ENTREP2: variants seen among roughly 807,000 people sequenced by gnomAD.
ENTREP2 encodes the protein endosomal transmembrane epsin interactor 2.
the ENTREP2 span, among the ~76,000 whole-genome samples, chr15:29,393,903 C>T: frequency 6.6e-6 from 1 of 152,076 alleles, no homozygotes; most frequent in South Asian, 2.1e-4. Context: ...TTCAAAAAAA[C>T]AAAATGTTAT....
At chr15:29,450,821 G>A in the ENTREP2 span, among the ~76,000 whole-genome samples, 1 of 152,088 alleles carries the variant, frequency 6.6e-6, no homozygotes, top group African/African-American at 2.4e-5. Flanking sequence ...GAACATAGAT[G>A]GCCATTATCC....
chr15:29,420,879 G>A, the ENTREP2 span, among the ~76,000 whole-genome samples: 1 of 152,188 alleles, frequency 6.6e-6, no homozygotes, highest in Non-Finnish European at 1.5e-5. Context: ...GGCAACAGAA[G>A]GCATTCTGAG....
At chr15:29,344,517 C>T in the ENTREP2 span, among the ~76,000 whole-genome samples, 1 of 152,088 alleles carries the variant, frequency 6.6e-6, no homozygotes, top group South Asian at 2.1e-4. Context: ...TTAGCAGCAC[C>T]CTGCTATGCA....
At chr15:29,124,741 G>A in the ENTREP2 span, 1 of 1,550,624 alleles carries the variant, frequency 6.4e-7, no homozygotes. Flanking sequence ...CTACACGACG[G>A]CCTGTGTGAA....
At chr15:29,290,780 C>T in the ENTREP2 span, among the ~76,000 whole-genome samples, 1 of 152,204 alleles carries the variant, frequency 6.6e-6, no homozygotes, top group South Asian at 2.1e-4. Flanking sequence ...AGGCCGTGAA[C>T]TTCTATAGAA....
chr15:29,167,576 T>C, the ENTREP2 span, among the ~76,000 whole-genome samples: 1 of 151,496 alleles, frequency 6.6e-6, no homozygotes. Context: ...ATGCTCAACA[T>C]CACTAATGAT....
chr15:29,270,716 T>C, the ENTREP2 span, among the ~76,000 whole-genome samples: 1 of 152,234 alleles, frequency 6.6e-6, no homozygotes, highest in African/African-American at 2.4e-5. Context: ...GTCTCTACTG[T>C]ATATTTTAAT....
At chr15:29,338,108 G>A in the ENTREP2 span, among the ~76,000 whole-genome samples, 1 of 152,062 alleles carries the variant, frequency 6.6e-6, no homozygotes, top group South Asian at 2.1e-4. Context: ...CTGCAGACAG[G>A]AGACTGCAGA....
chr15:29,402,399 T>A, the ENTREP2 span, among the ~76,000 whole-genome samples: 8 of 152,048 alleles, frequency 5.3e-5, no homozygotes, highest in African/African-American at 1.9e-4. Context: ...CACTGTGACC[T>A]CCACCTCCCA....
At chr15:29,606,790 T>C in the ENTREP2 span, among the ~76,000 whole-genome samples, 1 of 152,116 alleles carries the variant, frequency 6.6e-6, no homozygotes, top group East Asian at 1.9e-4. Flanking sequence ...GCAGTCATCC[T>C]GGGCCGATAT....
At chr15:29,229,107 G>C in the ENTREP2 span, among the ~76,000 whole-genome samples, 1 of 152,102 alleles carries the variant, frequency 6.6e-6, no homozygotes, top group Non-Finnish European at 1.5e-5. Flanking sequence ...GAAATATTTT[G>C]TGACATAAAT....
chr15:29,472,490 A>C, the ENTREP2 span, among the ~76,000 whole-genome samples: 33 of 149,444 alleles, frequency 2.2e-4, no homozygotes, highest in African/African-American at 7.6e-4. Context: ...TTTGAGACGG[A>C]GTCTCGCTCT....
chr15:29,223,731 A>G, the ENTREP2 span, among the ~76,000 whole-genome samples: 2 of 152,056 alleles, frequency 1.3e-5, no homozygotes, highest in Non-Finnish European at 2.9e-5. Flanking sequence ...AGGGAATGGA[A>G]AGGTAGCCAG....
chr15:29,418,932 C>T, the ENTREP2 span, among the ~76,000 whole-genome samples: 39 of 152,212 alleles, frequency 2.6e-4, no homozygotes, highest in African/African-American at 8.9e-4. Context: ...GATAGCTTTC[C>T]AATTCTGAGG....
chr15:29,230,659 G>A, the ENTREP2 span, among the ~76,000 whole-genome samples: 2 of 152,114 alleles, frequency 1.3e-5, no homozygotes. Flanking sequence ...CAACAAAGAA[G>A]TAGTTTTGGT....
chr15:29,580,533 A>G, the ENTREP2 span, among the ~76,000 whole-genome samples: 20 of 152,264 alleles, frequency 1.3e-4, no homozygotes, highest in South Asian at 4.1e-3. Context: ...GGCAGAACAG[A>G]TTATGCTGGA....
chr15:29,218,727 C>T, the ENTREP2 span, among the ~76,000 whole-genome samples: 10,358 of 152,188 alleles, frequency 0.068, 1,227 homozygotes, highest in African/African-American at 0.24. Flanking sequence ...AGGACACCCT[C>T]TTCAATAAAT....
At chr15:29,579,812 G>A in the ENTREP2 span, among the ~76,000 whole-genome samples, 5 of 146,502 alleles carry the variant, frequency 3.4e-5, no homozygotes, top group African/African-American at 5.1e-5. Flanking sequence ...CCGGGTTCAC[G>A]CCATTCTCCT....
chr15:29,596,432 G>GTA, the ENTREP2 span, among the ~76,000 whole-genome samples: 1 of 152,012 alleles, frequency 6.6e-6, no homozygotes, highest in Non-Finnish European at 1.5e-5. Context: ...CAGTATACGT[G>GTA]TACGGTGGTT....
Sources: allele counts gnomAD v4.1 joint callset (sites outside exome capture counted in the v4.1 genomes callset), GRCh38; gene constraint gnomAD v4.1.1; transcripts MANE v1.5; gene names NCBI Gene and HGNC (gene_info 2026-07-23, HGNC 2026-07-21).